TENM2: variants seen among roughly 807,000 people sequenced by gnomAD.
TENM2 encodes the protein teneurin-2.
Under a neutral mutation model 245.2 loss-of-function variants are expected in TENM2, and 52 were observed. That is an observed-to-expected ratio of 0.21 (90% CI 0.17 to 0.27). The LOEUF (loss-of-function observed/expected upper bound fraction) is 0.27. Among genes scored for constraint, TENM2 ranks in the 10% least tolerant of loss-of-function variants. The probability of loss-of-function intolerance (pLI) is 1.00; values close to 1 mark genes in which losing one functional copy is unlikely to be tolerated. For missense variants in TENM2, 3,046 were observed against 3,666.8 expected (o/e 0.83, Z 4.37); for synonymous variants, 1,363 against 1,438.9 (o/e 0.95, Z 1.19).
chr5:167,129,585 A>T, the TENM2 span, among the ~76,000 whole-genome samples: 1 of 152,182 alleles, frequency 6.6e-6, no homozygotes, highest in African/African-American at 2.4e-5. Context: ...CTGATCTTGC[A>T]CTTAAGCATT....
the TENM2 span, among the ~76,000 whole-genome samples, chr5:167,276,941 C>G: frequency 1.9e-3 from 287 of 152,164 alleles, no homozygotes; most frequent in Non-Finnish European, 2.8e-3. Context: ...TTGTTCATGT[C>G]TTCAGGGCCT....
the TENM2 span, among the ~76,000 whole-genome samples, chr5:167,185,240 CTTCT>C: frequency 6.6e-6 from 1 of 152,148 alleles, no homozygotes; most frequent in African/African-American, 2.4e-5. Context: ...ATAATTAGGG[CTTCT>C]TTTTCTGCTC....
At chr5:167,265,331 CA>C in the TENM2 span, among the ~76,000 whole-genome samples, 680 of 39,370 alleles carry the variant, frequency 0.017, 1 homozygote, top group South Asian at 0.052. Context: ...GACTCTGTCT[CA>C]AAAAAAAAAA....
chr5:168,103,045 C>A (rs1472430798), intron 9 of TENM2, among the ~76,000 whole-genome samples: 2 of 151,256 alleles, frequency 1.3e-5, no homozygotes, highest in Admixed American at 1.3e-4. Context: ...CCCCACCCCA[C>A]AACAGGCCCC....
chr5:167,224,679 T>C, the TENM2 span, among the ~76,000 whole-genome samples: 1 of 152,174 alleles, frequency 6.6e-6, no homozygotes, highest in African/African-American at 2.4e-5. Context: ...TGGCTATTTA[T>C]TTTTGTTCAG....
In TENM2 at chr5:167,375,413, GA is replaced by G; in HGVS notation, c.446del (p.Asn149ThrfsTer6). 1 of 1,551,700 alleles carries G rather than the reference GA, an allele frequency of 6.4e-7. No homozygotes were observed. Among genetic ancestry groups the G allele is most frequent in the Non-Finnish European group, 8.7e-7 (1 of 1,146,992 alleles). ...GCGCAGTTCCGGCCTGTCCAGTCGT[GA>G]AAACTCGGCCCTTACCCTGACTGAC... On this transcript the variant is annotated frameshift_variant, in exon 2 of 29. Coordinates refer to ENST00000518659, the Ensembl canonical transcript of TENM2. LOFTEE classifies it high-confidence loss of function.
the TENM2 span, among the ~76,000 whole-genome samples, chr5:167,197,853 C>T: frequency 6.7e-6 from 1 of 150,216 alleles, no homozygotes; most frequent in African/African-American, 2.5e-5. Flanking sequence ...CATATAAATA[C>T]ATATATACAT....
chr5:167,865,122 C>T (rs186939289), intron 2 of TENM2, among the ~76,000 whole-genome samples: 58 of 152,298 alleles, frequency 3.8e-4, no homozygotes, highest in African/African-American at 1.2e-3. Context: ...TTACTCAGCA[C>T]AGACAGACAA....
At chr5:167,529,641 T>C (rs556781730) in intron 2 of TENM2, among the ~76,000 whole-genome samples, 1 of 152,226 alleles carries the variant, frequency 6.6e-6, no homozygotes, top group Non-Finnish European at 1.5e-5. Flanking sequence ...GTATGCTCAC[T>C]TAGACAGTTA....
chr5:167,775,963 G>A (rs905019410), intron 2 of TENM2, among the ~76,000 whole-genome samples: 1 of 152,110 alleles, frequency 6.6e-6, no homozygotes, highest in African/African-American at 2.4e-5. Flanking sequence ...TTCAAGAGCA[G>A]AGATGGGAAA....
At chr5:167,308,486 G>A (rs1175311028) in intron 1 of TENM2, among the ~76,000 whole-genome samples, 9 of 152,122 alleles carry the variant, frequency 5.9e-5, no homozygotes, top group South Asian at 2.1e-4. Context: ...TTAGAAAATC[G>A]TCTTGTGCTC....
chr5:168,262,841 A>C, exon 29 of TENM2: 1 of 1,549,510 alleles, frequency 6.5e-7, no homozygotes, highest in Non-Finnish European at 8.7e-7. Flanking sequence ...CCTTGTCTGA[A>C]TGGCTCAGCA....
chr5:167,752,233 T>G (rs1376933378), intron 2 of TENM2, among the ~76,000 whole-genome samples: 1 of 151,642 alleles, frequency 6.6e-6, no homozygotes, highest in Admixed American at 6.6e-5. Flanking sequence ...TAGCTGGGAT[T>G]TCAGGTGCCC....
the TENM2 span, among the ~76,000 whole-genome samples, chr5:167,020,589 C>T: frequency 6.6e-6 from 1 of 152,106 alleles, no homozygotes; most frequent in African/African-American, 2.4e-5. Flanking sequence ...GAGTGTGTAC[C>T]AGATGGGTTA....
At chr5:167,283,796 C>T (rs1287537704), upstream of TENM2, among the ~76,000 whole-genome samples, 2 of 152,172 alleles carry the variant, frequency 1.3e-5, no homozygotes, top group South Asian at 2.1e-4. Context: ...TGATTTGGAA[C>T]TTGGAGGCGC....
chr5:167,007,557 T>C, the TENM2 span, among the ~76,000 whole-genome samples: 2 of 152,200 alleles, frequency 1.3e-5, no homozygotes, highest in Non-Finnish European at 2.9e-5. The surrounding 1 kb of genome is among the most constrained non-coding windows in gnomAD (Gnocchi z 4.2). Context: ...GGTACTTTTA[T>C]GTTAATGTTT....
chr5:167,784,973 GT>G (rs35080720), intron 2 of TENM2, among the ~76,000 whole-genome samples: 85,016 of 149,916 alleles, frequency 0.57, 26,246 homozygotes, highest in Non-Finnish European at 0.72. Context: ...TTGAATTAAG[GT>G]TTTTTTTTTT....
At chr5:167,202,018 A>T in the TENM2 span, among the ~76,000 whole-genome samples, 1 of 152,296 alleles carries the variant, frequency 6.6e-6, no homozygotes. Context: ...AAGCACCAAG[A>T]GGTGCCCCCT....
chr5:167,250,353 T>A, the TENM2 span, among the ~76,000 whole-genome samples: 1 of 152,004 alleles, frequency 6.6e-6, no homozygotes, highest in Admixed American at 6.6e-5. Context: ...AAAGCTTTAG[T>A]AGGTTAAAAG....
Sources: gnomAD v4.1 joint callset for allele counts (sites outside exome capture counted in the v4.1 genomes callset) on GRCh38, gnomAD v4.1.1 for gene constraint, Gnocchi (gnomAD v3.1) non-coding constraint, MANE v1.5 for transcripts, NCBI Gene and HGNC (gene_info 2026-07-23, HGNC 2026-07-21) for gene names.